The following FAM171B variants were observed in gnomAD, a reference collection of about 807,000 sequenced individuals.
The protein encoded by FAM171B is protein FAM171B.
A neutral mutation model predicts 75.6 loss-of-function variants in FAM171B; 19 were observed. The observed-to-expected ratio is 0.25, with a 90% confidence interval of 0.18 to 0.37. FAM171B has a LOEUF of 0.37. FAM171B is among the 10% of genes least tolerant of loss of function. The pLI, the probability that FAM171B is intolerant of heterozygous loss-of-function variation, is 1.00. For missense variants in FAM171B, 848 were observed against 982.4 expected (o/e 0.86, Z 1.83); for synonymous variants, 367 against 361.7 (o/e 1.01, Z -0.17).
chr2:186,714,362 C>G (rs1422985919), intron 1 of FAM171B, among the ~76,000 whole-genome samples: 14 of 152,082 alleles, frequency 9.2e-5, no homozygotes. Flanking sequence ...ACAATATTCA[C>G]AAGTAAAACA....
chr2:186,757,929 C>A (rs1690556563), intron 6 of FAM171B, among the ~76,000 whole-genome samples: 2 of 152,304 alleles, frequency 1.3e-5, no homozygotes, highest in Admixed American at 1.3e-4. Context: ...AACCAATCCT[C>A]CATACAGATC....
At chr2:186,729,441 T>A (rs1327317623) in intron 1 of FAM171B, among the ~76,000 whole-genome samples, 1 of 152,152 alleles carries the variant, frequency 6.6e-6, no homozygotes, top group Non-Finnish European at 1.5e-5. Context: ...AGTATTTTTT[T>A]TTTTCTGGAG....
At chr2:186,759,125 G>T (rs1690578341) in intron 6 of FAM171B, among the ~76,000 whole-genome samples, 1 of 152,058 alleles carries the variant, frequency 6.6e-6, no homozygotes, top group African/African-American at 2.4e-5. Flanking sequence ...CAGATGACGG[G>T]ATCACATCCT....
intron 1 of FAM171B, among the ~76,000 whole-genome samples, chr2:186,704,948 C>G (rs1431597659): frequency 6.6e-6 from 1 of 152,226 alleles, no homozygotes; most frequent in African/African-American, 2.4e-5. Context: ...GTAAGGGACT[C>G]TCATTCCTTT....
chr2:186,762,814 C>T lies in FAM171B; in HGVS notation c.2472C>T (p.Pro824=), dbSNP rs75409893. ...AGCGAGAGGAACGCCCACTGATTCC[C>T]ATAAATTAACTCCAATGGGGATTGT... ...WKKREERPLI[P]IN is the part of the protein sequence containing the mutation. The change falls in exon 8 of 8, where the codon CCC becomes CCT. Residue 824 remains proline, a synonymous_variant. Transcript: ENST00000304698. This position sits in a 1 kb window ranked among gnomAD's most constrained non-coding sequence, Gnocchi z 4.0. 2,088 of 1,609,534 alleles carry T rather than the reference C, an allele frequency of 1.3e-3. 22 individuals carry two copies. The African/African-American group carries it at 0.025, about 19-fold the overall frequency.
intron 6 of FAM171B, among the ~76,000 whole-genome samples, chr2:186,756,773 G>T (rs559927283): frequency 3.9e-5 from 6 of 152,296 alleles, no homozygotes; most frequent in South Asian, 4.1e-4. Flanking sequence ...CAAGCAGCAG[G>T]TTCTCAGTTT....
chr2:186,725,651 A>G (rs1217129187), intron 1 of FAM171B, among the ~76,000 whole-genome samples: 3 of 152,214 alleles, frequency 2.0e-5, no homozygotes, highest in Non-Finnish European at 4.4e-5. Context: ...TTAGGTGCTC[A>G]GTACTTACAT....
At chr2:186,726,185 C>T (rs1490510482) in intron 1 of FAM171B, among the ~76,000 whole-genome samples, 1 of 152,182 alleles carries the variant, frequency 6.6e-6, no homozygotes, top group African/African-American at 2.4e-5. Flanking sequence ...TTTATTCTCT[C>T]TCATTAATTT....
chr2:186,723,350 T>C (rs956180443), intron 1 of FAM171B, among the ~76,000 whole-genome samples: 1 of 152,228 alleles, frequency 6.6e-6, no homozygotes, highest in Non-Finnish European at 1.5e-5. Flanking sequence ...AACAAATGAC[T>C]CTTTTAAATA....
At chr2:186,717,186 T>C (rs925875588) in intron 1 of FAM171B, among the ~76,000 whole-genome samples, 1 of 152,080 alleles carries the variant, frequency 6.6e-6, no homozygotes, top group Non-Finnish European at 1.5e-5. Flanking sequence ...ACTGAAACAA[T>C]TACTCTTCTT....
intron 1 of FAM171B, among the ~76,000 whole-genome samples, chr2:186,713,749 A>C (rs1027284552): frequency 6.6e-6 from 1 of 152,238 alleles, no homozygotes; most frequent in East Asian, 1.9e-4. Context: ...CCTAGAAACA[A>C]TATTGTCTTT....
At position 186,743,472 on chromosome 2, in the gene FAM171B, A is replaced by G. The variant is rs534836678; in HGVS notation, c.473-11A>G. ...TTAAGTAAAATATTCTAATTGTGCT[A>G]TATTTCACAGTATATTCATCAGTTA... On this transcript the variant is annotated splice_polypyrimidine_tract_variant and intron_variant, in intron 2 of 7. Coordinates refer to ENST00000304698, the MANE Select transcript of FAM171B (RefSeq NM_177454.4). 27 of 1,578,886 alleles carry G rather than the reference A, an allele frequency of 1.7e-5. No homozygotes were observed. The African/African-American group carries it at 1.8e-4, about 10-fold the overall frequency.
intron 1 of FAM171B, among the ~76,000 whole-genome samples, chr2:186,738,180 G>A (rs1488211899): frequency 6.6e-6 from 1 of 152,204 alleles, no homozygotes; most frequent in Non-Finnish European, 1.5e-5. Flanking sequence ...CTTGGAGAGT[G>A]GGAGCATATT....
intron 1 of FAM171B, among the ~76,000 whole-genome samples, chr2:186,734,473 C>G (rs886285759): frequency 1.3e-5 from 2 of 151,884 alleles, no homozygotes; most frequent in East Asian, 3.9e-4. Context: ...TAGCTCCTAT[C>G]CATAAGCAGG....
chr2:186,754,509 C>T (rs1201309877), intron 6 of FAM171B, among the ~76,000 whole-genome samples: 1 of 152,126 alleles, frequency 6.6e-6, no homozygotes, highest in Non-Finnish European at 1.5e-5. Context: ...TGCTTGACTA[C>T]CTTTGCCAGG....
chr2:186,731,429 T>G (rs1159108482), intron 1 of FAM171B, among the ~76,000 whole-genome samples: 2 of 152,242 alleles, frequency 1.3e-5, no homozygotes, highest in African/African-American at 4.8e-5. Flanking sequence ...TCTCTGTAAC[T>G]GTATTCACAT....
At chr2:186,732,738 T>G (rs186680909) in intron 1 of FAM171B, among the ~76,000 whole-genome samples, 18 of 152,242 alleles carry the variant, frequency 1.2e-4, no homozygotes, top group African/African-American at 4.3e-4. Context: ...TGGGAGCGGC[T>G]GCATGTGCAG....
At chr2:186,716,533 T>A (rs1253769664) in intron 1 of FAM171B, among the ~76,000 whole-genome samples, 1 of 152,220 alleles carries the variant, frequency 6.6e-6, no homozygotes. Flanking sequence ...TATTTGCATC[T>A]CATTAACTTA....
chr2:186,748,100 T>G (rs1031466913), intron 4 of FAM171B, among the ~76,000 whole-genome samples: 1 of 152,082 alleles, frequency 6.6e-6, no homozygotes, highest in Non-Finnish European at 1.5e-5. Flanking sequence ...TCTTTTTTAT[T>G]TTTTGTAGGG....
Sources: gnomAD v4.1 joint callset for allele counts (sites outside exome capture counted in the v4.1 genomes callset) on GRCh38, gnomAD v4.1.1 for gene constraint, Gnocchi (gnomAD v3.1) non-coding constraint, MANE v1.5 for transcripts, NCBI Gene and HGNC (gene_info 2026-07-23, HGNC 2026-07-21) for gene names.